Variants in FAM184A observed in about 807,000 individuals in gnomAD.
FAM184A encodes protein FAM184A.
A neutral mutation model predicts 143.8 loss-of-function variants in FAM184A; 99 were observed. The ratio of observed to expected loss-of-function variants is 0.69; its 90% CI spans 0.58 to 0.81. The LOEUF (loss-of-function observed/expected upper bound fraction) is 0.81, where lower values mean the gene tolerates loss of function less well. FAM184A is among the 40% of genes least tolerant of loss of function. The pLI is 0.00. For synonymous variants in FAM184A, 427 were observed against 446.4 expected (o/e 0.96, Z 0.55); for missense variants, 1,217 against 1,310.5 (o/e 0.93, Z 1.10).
rs1043864126 is a variant in FAM184A at position 119,013,112 on chromosome 6, A to G, written c.1531-1681T>C. ...TGATACACAAGTTACTCTGATAAAAAAAAAAAGAAGGGTAGAAATAATGCT... is the reference window on the plus strand; with the variant it reads ...TGATACACAAGTTACTCTGATAAAAGAAAAAAGAAGGGTAGAAATAATGCT... On this transcript the variant is annotated intron_variant, in intron 5 of 17. Coordinates refer to ENST00000338891, the MANE Select transcript of FAM184A (RefSeq NM_024581.6). Among the ~76,000 whole-genome samples the G allele has an allele frequency of 7.2e-5, 11 of 152,304 alleles. 1 individual carries two copies. In the East Asian group the frequency reaches 1.7e-3, roughly 24 times the overall value.
intron 14 of FAM184A, among the ~76,000 whole-genome samples, chr6:118,969,742 C>A (rs1783615724): frequency 6.6e-6 from 1 of 150,970 alleles, no homozygotes; most frequent in African/African-American, 2.4e-5. Context: ...GGGTTTGCTG[C>A]ACCCATCAAC....
intron 1 of FAM184A, among the ~76,000 whole-genome samples, chr6:119,044,634 A>C (rs1411713947): frequency 6.6e-6 from 1 of 152,136 alleles, no homozygotes; most frequent in Non-Finnish European, 1.5e-5. Flanking sequence ...TAAACTATCA[A>C]TGAAGCAATG....
Position 119,131,746 on chromosome 6 carries a change from G to A in FAM184A, c.-202+17332C>T, listed in dbSNP as rs568095678. 4.0e-5 allele frequency among the ~76,000 whole-genome samples: 6 copies of A among 148,196 alleles called. No individual in the cohort carries two copies. In the South Asian group the frequency reaches 6.4e-4, roughly 16 times the overall value. The stretch of plus-strand genomic sequence containing the variant: ...CCATCCCCCCACCCAGCCCCCCAAA[G>A]TATTGGGATTACAGGCATGAGCCAC... On this transcript the variant is annotated intron_variant, in intron 1 of 16. Transcript: ENST00000352896.
chr6:119,073,125 A>G (rs1787753189), intron 1 of FAM184A, among the ~76,000 whole-genome samples: 1 of 152,254 alleles, frequency 6.6e-6, no homozygotes. Flanking sequence ...TGCATTATTA[A>G]GTATCAAGTA....
At chr6:119,034,587 A>G (rs927567025) in intron 1 of FAM184A, among the ~76,000 whole-genome samples, 7 of 146,808 alleles carry the variant, frequency 4.8e-5, no homozygotes, top group African/African-American at 1.8e-4. Flanking sequence ...TTTTAAAAAA[A>G]CCTTTGCTTT....
rs1366244871 is a variant in FAM184A, at chr6:119,078,135, C to T, written c.159+6G>A. On this transcript the variant is annotated splice_donor_region_variant and intron_variant, in intron 1 of 17. Coordinates refer to ENST00000338891, the MANE Select transcript of FAM184A (RefSeq NM_024581.6). The surrounding 1 kb of genome is among the most constrained non-coding windows in gnomAD (Gnocchi z 5.5). ...TCGCCACCTGCCCCGTCGCTGCCCCCCTTACCTTGGTGAGCTGGGCGATTT... is the reference window on the plus strand; with the variant it reads ...TCGCCACCTGCCCCGTCGCTGCCCCTCTTACCTTGGTGAGCTGGGCGATTT... 6.3e-7 allele frequency: 1 copy of T among 1,583,916 alleles called. No homozygotes were observed. The highest frequency in any genetic ancestry group is 1.1e-5 in the South Asian group (1 of 87,032).
chr6:119,077,022 T>G (rs1418789302), intron 1 of FAM184A, among the ~76,000 whole-genome samples: 3 of 152,254 alleles, frequency 2.0e-5, no homozygotes, highest in Non-Finnish European at 2.9e-5. Flanking sequence ...GCTCTCATTT[T>G]GTAGTCCTTT....
chr6:118,989,525 T>C (rs577189235), intron 9 of FAM184A, among the ~76,000 whole-genome samples: 66 of 152,194 alleles, frequency 4.3e-4, no homozygotes, highest in African/African-American at 1.5e-3. Context: ...ATAGTTTTTA[T>C]TGGAAAATAA....
At chr6:118,973,394 A>C (rs1045127553) in intron 14 of FAM184A, among the ~76,000 whole-genome samples, 1 of 152,226 alleles carries the variant, frequency 6.6e-6, no homozygotes, top group Non-Finnish European at 1.5e-5. Flanking sequence ...AGGTTATTCT[A>C]GACTGTAGAG....
chr6:119,024,969 C>T (rs1047274940), intron 1 of FAM184A, among the ~76,000 whole-genome samples, 156 bp from the exon 2 acceptor site: 2 of 152,120 alleles, frequency 1.3e-5, no homozygotes, highest in African/African-American at 4.8e-5. Flanking sequence ...TGTTTTTTTA[C>T]TCATAGATTG....
chr6:119,034,756 C>T (rs1428740067), intron 1 of FAM184A, among the ~76,000 whole-genome samples: 1 of 152,128 alleles, frequency 6.6e-6, no homozygotes, highest in Non-Finnish European at 1.5e-5. Context: ...ATCCTACCTA[C>T]CACTGCTTAC....
intron 14 of FAM184A, among the ~76,000 whole-genome samples, chr6:118,973,826 TG>T (rs1783767929): frequency 6.6e-6 from 1 of 152,210 alleles, no homozygotes; most frequent in South Asian, 2.1e-4. Context: ...GTAGTTACTA[TG>T]TATGAGCGGT....
chr6:119,053,385 C>G (rs1229567677), intron 1 of FAM184A, among the ~76,000 whole-genome samples: 4 of 152,156 alleles, frequency 2.6e-5, no homozygotes, highest in Non-Finnish European at 5.9e-5. Context: ...CTGGAATGGG[C>G]TATTATAACT....
chr6:118,984,000 A>G (rs1246790387), intron 9 of FAM184A, among the ~76,000 whole-genome samples: 2 of 150,786 alleles, frequency 1.3e-5, no homozygotes, highest in African/African-American at 2.4e-5. Context: ...AATACAAAAA[A>G]TTAGCCGGGA....
chr6:119,081,865 C>T (rs1425394617), upstream of FAM184A, among the ~76,000 whole-genome samples: 4 of 152,184 alleles, frequency 2.6e-5, no homozygotes, highest in Non-Finnish European at 5.9e-5. Context: ...CACTGATGTG[C>T]TCCTCTTGGC....
intron 1 of FAM184A, among the ~76,000 whole-genome samples, chr6:119,125,472 T>G (rs7744514): frequency 0.78 from 118,296 of 152,014 alleles, 46,486 homozygotes; most frequent in Middle Eastern, 0.86. Flanking sequence ...GAGGTTTCAC[T>G]GTGTTGTCCA....
intron 1 of FAM184A, among the ~76,000 whole-genome samples, chr6:119,067,909 T>C (rs867140547): frequency 1.3e-5 from 2 of 151,624 alleles, no homozygotes; most frequent in African/African-American, 2.4e-5. Flanking sequence ...GAGTGTAAGG[T>C]TGCAGCAAGC....
At chr6:119,056,022 G>A (rs946938540) in intron 1 of FAM184A, among the ~76,000 whole-genome samples, 2 of 151,988 alleles carry the variant, frequency 1.3e-5, no homozygotes, top group Non-Finnish European at 2.9e-5. Context: ...ATTTATACAG[G>A]GTATATTTAT....
At chr6:119,126,971 T>C (rs1789383333) in intron 1 of FAM184A, among the ~76,000 whole-genome samples, 1 of 152,220 alleles carries the variant, frequency 6.6e-6, no homozygotes, top group African/African-American at 2.4e-5. Context: ...TTCTCCCCGA[T>C]GTCCAGCTGT....
Sources: gnomAD v4.1 joint callset for allele counts (sites outside exome capture counted in the v4.1 genomes callset) on GRCh38, gnomAD v4.1.1 for gene constraint, Gnocchi (gnomAD v3.1) non-coding constraint, MANE v1.5 for transcripts, NCBI Gene and HGNC (gene_info 2026-07-23, HGNC 2026-07-21) for gene names.